Variants in ADARB2 observed in about 807,000 individuals in gnomAD.
ADARB2 encodes adenosine deaminase RNA specific B2 (inactive), also known as inactive double-stranded RNA-specific editase B2.
ADARB2 carries 25 observed loss-of-function variants against 62.2 expected under a neutral mutation model. The ratio of observed to expected loss-of-function variants is 0.40; its 90% CI spans 0.29 to 0.56. The LOEUF is 0.56. ADARB2 is among the 20% of genes least tolerant of loss of function. ADARB2 has a pLI of 0.43. For missense variants in ADARB2, 1,071 were observed against 1,077.4 expected, an observed-to-expected ratio of 0.99 and a Z score of 0.08; for synonymous variants, 572 against 500.8, an observed-to-expected ratio of 1.14 and a Z score of -1.90.
intron 1 of ADARB2, among the ~76,000 whole-genome samples, chr10:1,399,901 C>A (rs905964174): frequency 6.6e-6 from 1 of 152,170 alleles, no homozygotes; most frequent in African/African-American, 2.4e-5. Flanking sequence ...GGGAGGCTGC[C>A]CCAAGGAAGC....
chr10:1,454,672 G>C (rs1302284783), intron 1 of ADARB2, among the ~76,000 whole-genome samples: 1 of 151,988 alleles, frequency 6.6e-6, no homozygotes, highest in East Asian at 1.9e-4. Context: ...CTGGGGCCGG[G>C]GAGGGTAACG....
intron 1 of ADARB2, among the ~76,000 whole-genome samples, chr10:1,566,665 C>G (rs761120446): frequency 1.3e-5 from 2 of 152,158 alleles, no homozygotes; most frequent in Non-Finnish European, 2.9e-5. Context: ...AAATTTGTGT[C>G]ACTTTGTTAG....
chr10:1,306,051 C>G (rs1206596186), intron 3 of ADARB2, among the ~76,000 whole-genome samples: 1 of 152,122 alleles, frequency 6.6e-6, no homozygotes, highest in Admixed American at 6.5e-5. Flanking sequence ...GTTGGAAGTT[C>G]TGGCCAGTGC....
At chr10:1,253,163 C>T (rs2131784675) in intron 4 of ADARB2, among the ~76,000 whole-genome samples, 1 of 152,272 alleles carries the variant, frequency 6.6e-6, no homozygotes, top group South Asian at 2.1e-4. Flanking sequence ...TTAACATGTG[C>T]CTGATACACA....
intron 6 of ADARB2, among the ~76,000 whole-genome samples, chr10:1,232,666 TGTG>T (rs764510291): frequency 1.3e-4 from 20 of 151,330 alleles, no homozygotes; most frequent in Non-Finnish European, 2.2e-4. Flanking sequence ...GTGGTATGCA[TGTG>T]GTGCTTGTGA....
At chr10:1,469,291 T>C (rs1021487959) in intron 1 of ADARB2, among the ~76,000 whole-genome samples, 2 of 152,232 alleles carry the variant, frequency 1.3e-5, no homozygotes, top group East Asian at 1.9e-4. Context: ...CTTCCCTTTA[T>C]TGGCAAACAC....
Position 1,321,757 on chromosome 10 carries a change from C to G in ADARB2, c.1077+41271G>C, listed in dbSNP as rs555174193. ...TGTTCCAGGGAGAATTTCCCAGCTA[C>G]GAGGGCTTTTGTCTAGGTTGAAAAT... On this transcript the variant is annotated intron_variant, in intron 3 of 9. Transcript: ENST00000381312. Among the ~76,000 whole-genome samples the G allele has an allele frequency of 1.4e-4, 22 of 152,304 alleles. 1 individual carries two copies. In the South Asian group the frequency reaches 4.6e-3, roughly 32 times the overall value.
chr10:1,648,570 G>A (rs1397538622), intron 1 of ADARB2, among the ~76,000 whole-genome samples: 1 of 152,172 alleles, frequency 6.6e-6, no homozygotes, highest in Non-Finnish European at 1.5e-5. Flanking sequence ...AAATAAACAT[G>A]TGGGTAAGCA....
intron 3 of ADARB2, among the ~76,000 whole-genome samples, chr10:1,297,802 A>G (rs977331432): frequency 1.3e-5 from 2 of 152,208 alleles, no homozygotes; most frequent in African/African-American, 4.8e-5. Flanking sequence ...CCAGGACAGC[A>G]GCAGCCATGG....
chr10:1,302,470 C>T (rs1461715908), intron 3 of ADARB2, among the ~76,000 whole-genome samples: 2 of 152,214 alleles, frequency 1.3e-5, no homozygotes, highest in African/African-American at 4.8e-5. Flanking sequence ...CACCATTGGC[C>T]AGGCTTGCTT....
intron 1 of ADARB2, among the ~76,000 whole-genome samples, chr10:1,536,784 C>T (rs567176832): frequency 1.4e-4 from 21 of 152,274 alleles, no homozygotes; most frequent in African/African-American, 4.8e-4. Flanking sequence ...AATTGGACTC[C>T]TTCCTTTTAC....
chr10:1,275,162 A>C (rs1831303448), intron 3 of ADARB2, among the ~76,000 whole-genome samples: 1 of 152,242 alleles, frequency 6.6e-6, no homozygotes, highest in Non-Finnish European at 1.5e-5. Flanking sequence ...GCATTTCCAC[A>C]GATGAAGGCC....
Position 1,369,743 on chromosome 10 carries a change from C to T in ADARB2, c.188-5826G>A, listed in dbSNP as rs556563922. Among the ~76,000 whole-genome samples, 6 of 152,378 alleles carry T rather than the reference C, an allele frequency of 3.9e-5. No individual in the cohort carries two copies. In the South Asian group the frequency reaches 1.2e-3, roughly 32 times the overall value. On this transcript the variant is annotated intron_variant, in intron 2 of 9. Coordinates refer to ENST00000381312, the MANE Select transcript of ADARB2 (RefSeq NM_018702.4). ...TCTGCCCTTTTTCCGAGAGGGTGGG[C>T]ATGGCCACGCCCCTCCTGAGTCATC... is the stretch of plus-strand genomic sequence containing the variant.
chr10:1,431,610 G>A lies in ADARB2; in HGVS notation c.101-52450C>T, dbSNP rs117274525. On this transcript the variant is annotated intron_variant, in intron 1 of 9. Transcript: ENST00000381312. Reference sequence around the variant, plus strand: ...GCAAGCAGAATTAAAGAATAAAGATGAGAGAAGAAATCAATCAAATTGAAA... The same window carrying A: ...GCAAGCAGAATTAAAGAATAAAGATAAGAGAAGAAATCAATCAAATTGAAA... 2.9e-3 allele frequency among the ~76,000 whole-genome samples: 434 copies of A among 152,122 alleles called. 1 individual carries two copies. Among genetic ancestry groups the A allele is most frequent in the Non-Finnish European group, 5.2e-3 (356 of 67,998 alleles).
chr10:1,462,130 C>A (rs562738014), intron 1 of ADARB2, among the ~76,000 whole-genome samples: 10 of 152,312 alleles, frequency 6.6e-5, no homozygotes, highest in Admixed American at 2.6e-4. Flanking sequence ...CAGGATATAG[C>A]CATTCCCCGC....
At chr10:1,425,624 G>A (rs1006739758) in intron 1 of ADARB2, among the ~76,000 whole-genome samples, 1 of 152,220 alleles carries the variant, frequency 6.6e-6, no homozygotes, top group Non-Finnish European at 1.5e-5. Context: ...TGTAGAAGAT[G>A]GTTGGATCTA....
intron 1 of ADARB2, among the ~76,000 whole-genome samples, chr10:1,732,737 G>A (rs1159817071): frequency 6.6e-6 from 1 of 152,236 alleles, no homozygotes; most frequent in African/African-American, 2.4e-5. Context: ...GACGACTGTA[G>A]CATTGCAGGG....
chr10:1,185,171 C>T, intron 8 of ADARB2, 132 bp from the exon 9 acceptor site: 1 of 1,216,310 alleles, frequency 8.2e-7, no homozygotes, highest in Admixed American at 2.7e-5. Flanking sequence ...TCAGGACTGG[C>T]CAGTTCACGT....
At chr10:1,202,546 A>G (rs1327353823) in intron 7 of ADARB2, among the ~76,000 whole-genome samples, 2 of 152,188 alleles carry the variant, frequency 1.3e-5, no homozygotes, top group East Asian at 3.9e-4. Flanking sequence ...ACCAGAGGAC[A>G]GACCAAAGGC....
Sources: gnomAD v4.1 joint callset for allele counts (sites outside exome capture counted in the v4.1 genomes callset) on GRCh38, gnomAD v4.1.1 for gene constraint, MANE v1.5 for transcripts, NCBI Gene and HGNC (gene_info 2026-07-23, HGNC 2026-07-21) for gene names.